The following LRP1B variants were observed in gnomAD, a reference collection of about 807,000 sequenced individuals.
The protein encoded by LRP1B is LDL receptor related protein 1B, also known as low-density lipoprotein receptor-related protein 1B.
Under a neutral mutation model 556.6 loss-of-function variants are expected in LRP1B, and 217 were observed. That is an observed-to-expected ratio of 0.39 (90% CI 0.35 to 0.44). The LOEUF (loss-of-function observed/expected upper bound fraction) is 0.44, where lower values mean the gene tolerates loss of function less well. Among genes scored for constraint, LRP1B ranks in the 20% least tolerant of loss-of-function variants. LRP1B has a pLI of 1.00. For synonymous variants in LRP1B, 2,047 were observed against 1,865.8 expected (o/e 1.10, Z -2.50); for missense variants, 5,053 against 5,620.8 (o/e 0.90, Z 3.23).
At chr2:141,166,909 T>A (rs1028831998) in intron 7 of LRP1B, among the ~76,000 whole-genome samples, 10 of 151,968 alleles carry the variant, frequency 6.6e-5, no homozygotes, top group Admixed American at 6.6e-4. Flanking sequence ...ATACATTTTT[T>A]CTAACAGTGC....
At position 141,467,839 on chromosome 2, in the gene LRP1B, C is replaced by CGGGG. The variant is rs1193797469; in HGVS notation, c.343+12553_343+12556dup. The stretch of plus-strand genomic sequence containing the variant: ...TTTGTTTGTTTGTTTGTTTGCGGAC[C>CGGGG]GGGGGGGGGGGAATTCCAGCATACA... On this transcript the variant is annotated intron_variant, in intron 3 of 90. Coordinates refer to ENST00000389484, the MANE Select transcript of LRP1B (RefSeq NM_018557.3). Among the ~76,000 whole-genome samples the CGGGG allele has an allele frequency of 9.1e-4, 52 of 57,172 alleles. 2 individuals carry two copies. The South Asian group carries it at 0.013, about 14-fold the overall frequency. 37.5% of individuals were successfully genotyped at this position (57,172 alleles called of 152,430 possible). A position where few individuals can be genotyped will look rare whatever the true frequency, so the allele number is the denominator to read the frequency against.
At chr2:140,322,190 A>G in intron 81 of LRP1B, 102 bp from the exon 82 acceptor site, 4 of 1,122,940 alleles carry the variant, frequency 3.6e-6, no homozygotes, top group Non-Finnish European at 5.2e-6. Context: ...GCAATGTTGA[A>G]AAGTAATCAC....
chr2:140,468,883 C>T (rs188100997), intron 60 of LRP1B, among the ~76,000 whole-genome samples: 2 of 152,210 alleles, frequency 1.3e-5, no homozygotes, highest in Non-Finnish European at 2.9e-5. Context: ...AAATGTTTAT[C>T]CTATGCCCAG....
At chr2:141,874,447 ATATTT>A (rs1698692077) in intron 1 of LRP1B, among the ~76,000 whole-genome samples, 1 of 151,936 alleles carries the variant, frequency 6.6e-6, no homozygotes, top group African/African-American at 2.4e-5. Flanking sequence ...CTTTGGACTT[ATATTT>A]TATTAGTTCT....
intron 7 of LRP1B, among the ~76,000 whole-genome samples, chr2:141,080,613 T>C (rs1699899072): frequency 6.6e-6 from 1 of 152,338 alleles, no homozygotes; most frequent in South Asian, 2.1e-4. Flanking sequence ...AGCATCCATT[T>C]TGTTAGGCAC....
intron 83 of LRP1B, among the ~76,000 whole-genome samples, chr2:140,303,033 ATATAT>A (rs1412010439): frequency 1.3e-4 from 18 of 143,200 alleles, no homozygotes; most frequent in Non-Finnish European, 2.6e-4. Context: ...ATATATATAT[ATATAT>A]ATATATATAT....
chr2:140,798,366 A>G (rs35664478), intron 32 of LRP1B, among the ~76,000 whole-genome samples: 1 of 152,210 alleles, frequency 6.6e-6, no homozygotes, highest in Non-Finnish European at 1.5e-5. Context: ...GAAAAAAATA[A>G]ACAGAAAAGA....
chr2:141,645,394 T>G (rs192321027), intron 2 of LRP1B, among the ~76,000 whole-genome samples: 1 of 151,634 alleles, frequency 6.6e-6, no homozygotes, highest in East Asian at 1.9e-4. Context: ...GGTGACTTAA[T>G]TTGTCTGTTG....
chr2:141,325,692 A>G (rs904759223), intron 3 of LRP1B, among the ~76,000 whole-genome samples: 1 of 152,144 alleles, frequency 6.6e-6, no homozygotes, highest in African/African-American at 2.4e-5. Context: ...GATGGAAAAA[A>G]ATGACATGAA....
chr2:140,506,732 A>C, intron 53 of LRP1B, 64 bp downstream of exon 53: 1 of 1,540,690 alleles, frequency 6.5e-7, no homozygotes, highest in Non-Finnish European at 8.8e-7. Flanking sequence ...TTTTTTATTT[A>C]CATACTAGTT....
intron 2 of LRP1B, among the ~76,000 whole-genome samples, chr2:141,778,741 C>G (rs1366687606): frequency 2.0e-5 from 3 of 152,236 alleles, no homozygotes; most frequent in South Asian, 4.1e-4. Context: ...CTCTTCCTTG[C>G]TCTAGCAGCC....
At chr2:141,657,062 T>A (rs1690039773) in intron 2 of LRP1B, among the ~76,000 whole-genome samples, 1 of 152,068 alleles carries the variant, frequency 6.6e-6, no homozygotes, top group African/African-American at 2.4e-5. Context: ...AAACTACAGC[T>A]TGAAGGAGAA....
At chr2:140,879,880 T>C (rs1250593299) in intron 25 of LRP1B, among the ~76,000 whole-genome samples, 1 of 151,630 alleles carries the variant, frequency 6.6e-6, no homozygotes, top group East Asian at 1.9e-4. Flanking sequence ...ACTTGTAGCA[T>C]TATAGGCATA....
At chr2:141,835,773 C>T (rs1697255546) in intron 1 of LRP1B, among the ~76,000 whole-genome samples, 1 of 151,692 alleles carries the variant, frequency 6.6e-6, no homozygotes, top group Admixed American at 6.6e-5. Context: ...AAATGTATTA[C>T]ATGGCTATAA....
chr2:141,959,543 T>G (rs1701347297), intron 1 of LRP1B, among the ~76,000 whole-genome samples: 1 of 151,950 alleles, frequency 6.6e-6, no homozygotes, highest in Non-Finnish European at 1.5e-5. Context: ...AATCAAAATC[T>G]CTAGACCGGC....
At chr2:141,100,438 T>C (rs1236184603) in intron 7 of LRP1B, among the ~76,000 whole-genome samples, 1 of 152,168 alleles carries the variant, frequency 6.6e-6, no homozygotes, top group Non-Finnish European at 1.5e-5. Context: ...TCAAACACCT[T>C]TTCCCTGTCT....
chr2:140,883,035 T>C (rs1245307296), intron 25 of LRP1B, among the ~76,000 whole-genome samples: 6 of 152,140 alleles, frequency 3.9e-5, no homozygotes. Flanking sequence ...ATGTATATCA[T>C]CTCCTTAAAA....
chr2:140,827,762 A>T (rs1397025016), intron 31 of LRP1B, among the ~76,000 whole-genome samples: 1 of 152,182 alleles, frequency 6.6e-6, no homozygotes, highest in Non-Finnish European at 1.5e-5. Flanking sequence ...AGTTATAGGA[A>T]GATCAGAGAT....
At chr2:140,709,013 G>C (rs1284014391) in intron 37 of LRP1B, among the ~76,000 whole-genome samples, 1 of 151,936 alleles carries the variant, frequency 6.6e-6, no homozygotes, top group Non-Finnish European at 1.5e-5. Context: ...TGTCTTAACA[G>C]GTGTTAAACT....
Sources: allele counts gnomAD v4.1 joint callset (sites outside exome capture counted in the v4.1 genomes callset), GRCh38; gene constraint gnomAD v4.1.1; transcripts MANE v1.5; gene names NCBI Gene and HGNC (gene_info 2026-07-23, HGNC 2026-07-21).